Variants in NAA15 observed in about 807,000 individuals in gnomAD.
NAA15 encodes the protein N-terminal acetyltransferase.
In NAA15, 34 loss-of-function variants were observed where a neutral mutation model predicts 114.0. The ratio of observed to expected loss-of-function variants is 0.30; its 90% CI spans 0.23 to 0.40. The LOEUF (loss-of-function observed/expected upper bound fraction) is 0.40, where lower values mean the gene tolerates loss of function less well. Among genes scored for constraint, NAA15 ranks in the 10% least tolerant of loss-of-function variants. NAA15 has a pLI of 1.00. For missense variants in NAA15, 658 were observed against 1,004.5 expected (o/e 0.66, Z 4.66); for synonymous variants, 340 against 338.0 (o/e 1.01, Z -0.06).
intron 13 of NAA15, among the ~76,000 whole-genome samples, chr4:139,360,951 C>G (rs1748115060): frequency 6.6e-6 from 1 of 152,032 alleles, no homozygotes; most frequent in Non-Finnish European, 1.5e-5. Flanking sequence ...CTCCTAGGAC[C>G]CTGTTCATTG....
intron 1 of NAA15, among the ~76,000 whole-genome samples, chr4:139,331,087 T>G (rs138089132): frequency 6.6e-6 from 1 of 152,178 alleles, no homozygotes; most frequent in Non-Finnish European, 1.5e-5. Flanking sequence ...GAGCACTTTT[T>G]TTTTCTGTAA....
At chr4:139,378,293 C>T (rs897345366) in intron 16 of NAA15, among the ~76,000 whole-genome samples, 1 of 152,032 alleles carries the variant, frequency 6.6e-6, no homozygotes. Context: ...GAAAAGATAA[C>T]CTTGGTAACT....
intron 1 of NAA15, among the ~76,000 whole-genome samples, chr4:139,326,599 T>G (rs1746810067): frequency 6.6e-6 from 1 of 152,188 alleles, no homozygotes; most frequent in South Asian, 2.1e-4. Context: ...CTTCGTTAAT[T>G]CCTCAAAGTA....
chr4:139,378,717 T>C (rs1038041193), intron 16 of NAA15, 39 bp from the exon 17 acceptor site: 1 of 1,356,298 alleles, frequency 7.4e-7, no homozygotes, highest in South Asian at 1.3e-5. Context: ...AGGCCTCTTA[T>C]CCAATGATCA....
At chr4:139,310,323 G>A (rs903647745) in intron 1 of NAA15, among the ~76,000 whole-genome samples, 3 of 150,046 alleles carry the variant, frequency 2.0e-5, no homozygotes, top group African/African-American at 7.3e-5. Context: ...GCGTAGTGGC[G>A]GGCGCCTGTA....
At chr4:139,318,315 A>G (rs968127439) in intron 1 of NAA15, 2 of 152,154 alleles carry the variant, frequency 1.3e-5, no homozygotes, top group Admixed American at 6.5e-5. Flanking sequence ...ATAAAAATTT[A>G]GCAATTCCAT....
intron 1 of NAA15, among the ~76,000 whole-genome samples, chr4:139,318,789 G>A (rs1397437656): frequency 6.6e-6 from 1 of 152,054 alleles, no homozygotes; most frequent in Non-Finnish European, 1.5e-5. Context: ...GGAAAGTGGA[G>A]GTTGCAGTGA....
rs1362268583 is a variant in NAA15, at chr4:139,389,588, T to A, written c.*1504T>A. 2 of 152,648 alleles carry A rather than the reference T, an allele frequency of 1.3e-5. No individual in the cohort carries two copies. The highest frequency in any genetic ancestry group is 2.4e-5 in the African/African-American group (1 of 41,456). The allele number at this position is 152,648 out of a possible 1,614,324, so 9.5% of individuals were successfully genotyped here. A position where few individuals can be genotyped will look rare whatever the true frequency, so the allele number is the denominator to read the frequency against. On this transcript the variant is annotated 3_prime_UTR_variant, in exon 20 of 20. Transcript: ENST00000296543. Reference sequence around the variant, plus strand: ...AGGAAAACTAAAAACTATTTTGATTTGGGAAAATGAGCCTTAATTTGTTAA... The same window carrying A: ...AGGAAAACTAAAAACTATTTTGATTAGGGAAAATGAGCCTTAATTTGTTAA...
chr4:139,308,761 G>A (rs964747187), intron 1 of NAA15, among the ~76,000 whole-genome samples: 3 of 151,970 alleles, frequency 2.0e-5, no homozygotes, highest in Non-Finnish European at 4.4e-5. Context: ...GATTACAGGT[G>A]TCCACCACCA....
intron 1 of NAA15, among the ~76,000 whole-genome samples, chr4:139,325,447 C>T (rs958667536): frequency 3.9e-5 from 6 of 152,090 alleles, no homozygotes; most frequent in Admixed American, 6.6e-5. Flanking sequence ...AATTTTACCT[C>T]TACAATAAGG....
At chr4:139,316,522 T>C (rs1746415638) in intron 1 of NAA15, among the ~76,000 whole-genome samples, 1 of 151,960 alleles carries the variant, frequency 6.6e-6, no homozygotes, top group Non-Finnish European at 1.5e-5. Flanking sequence ...TGTTCTTTTA[T>C]GTCTGCATTT....
intron 15 of NAA15, among the ~76,000 whole-genome samples, chr4:139,372,474 A>T (rs1748469452): frequency 6.6e-6 from 1 of 152,188 alleles, no homozygotes; most frequent in Non-Finnish European, 1.5e-5. Flanking sequence ...AGCTTAGTGC[A>T]AGGTACCCTT....
chr4:139,364,097 A>G (rs1748210174), intron 14 of NAA15, among the ~76,000 whole-genome samples: 1 of 152,146 alleles, frequency 6.6e-6, no homozygotes, highest in Non-Finnish European at 1.5e-5. Flanking sequence ...GCTTGTCTTG[A>G]GCCCCTTGGC....
intron 1 of NAA15, chr4:139,302,072 C>A: frequency 2.4e-6 from 1 of 410,578 alleles, no homozygotes; most frequent in Admixed American, 4.4e-5. Context: ...CCGGACTAGG[C>A]CCCGACCTCC....
intron 1 of NAA15, among the ~76,000 whole-genome samples, chr4:139,302,715 C>T (rs1167579767): frequency 6.6e-6 from 1 of 152,230 alleles, no homozygotes; most frequent in Non-Finnish European, 1.5e-5. Flanking sequence ...ATTTTGTTGA[C>T]GCTAGCTCAG....
In NAA15 at chr4:139,353,415, T is replaced by C. The variant is rs1381779870; in HGVS notation, c.1015-611T>C. 2.6e-5 allele frequency among the ~76,000 whole-genome samples: 4 copies of C among 152,134 alleles called. No homozygotes were observed. The East Asian group carries it at 5.8e-4, about 22-fold the overall frequency. On this transcript the variant is annotated intron_variant, in intron 9 of 19. Transcript: ENST00000296543. ...TCATTCAATAAAGCCATAATAGTAA[T>C]AGAAATCCCTTAAACATGGATTAAA...
intron 11 of NAA15, among the ~76,000 whole-genome samples, chr4:139,357,923 A>T (rs149056613): frequency 6.6e-6 from 1 of 152,258 alleles, no homozygotes; most frequent in East Asian, 1.9e-4. Flanking sequence ...GTATCTGGCA[A>T]TGTTATTGAG....
intron 2 of NAA15, among the ~76,000 whole-genome samples, chr4:139,336,102 A>G (rs899353486): frequency 4.6e-5 from 7 of 152,182 alleles, no homozygotes; most frequent in African/African-American, 1.7e-4. Flanking sequence ...CCTCAGGATT[A>G]TATCTTTAAT....
intron 10 of NAA15, among the ~76,000 whole-genome samples, chr4:139,354,623 G>C (rs1747883032): frequency 6.6e-6 from 1 of 152,144 alleles, no homozygotes; most frequent in Non-Finnish European, 1.5e-5. Flanking sequence ...TGAAAAGAAT[G>C]TTATGTAAAA....
Sources: allele counts gnomAD v4.1 joint callset (sites outside exome capture counted in the v4.1 genomes callset), GRCh38; gene constraint gnomAD v4.1.1; transcripts MANE v1.5; gene names NCBI Gene and HGNC (gene_info 2026-07-23, HGNC 2026-07-21).